The following ATP8B4 variants were observed in gnomAD, a reference collection of about 807,000 sequenced individuals.
ATP8B4 encodes the protein ATPase phospholipid transporting 8B4 (putative).
A neutral mutation model predicts 145.6 loss-of-function variants in ATP8B4; 133 were observed. That is an observed-to-expected ratio of 0.91 (90% CI 0.79 to 1.05). ATP8B4 has a LOEUF of 1.05. ATP8B4 is among the 50% of genes least tolerant of loss of function. ATP8B4 has a pLI of 0.00. For missense variants in ATP8B4, 1,458 were observed against 1,425.2 expected, an observed-to-expected ratio of 1.02 and a Z score of -0.37; for synonymous variants, 507 against 492.9, an observed-to-expected ratio of 1.03 and a Z score of -0.38.
intron 8 of ATP8B4, among the ~76,000 whole-genome samples, chr15:49,998,804 A>T (rs549750040): frequency 3.3e-5 from 5 of 152,316 alleles, no homozygotes; most frequent in African/African-American, 1.2e-4. Flanking sequence ...TTAGACATGA[A>T]GTCCTTGCCC....
intron 23 of ATP8B4, among the ~76,000 whole-genome samples, chr15:49,893,658 A>G (rs1311292276): frequency 6.6e-6 from 1 of 152,168 alleles, no homozygotes; most frequent in African/African-American, 2.4e-5. Flanking sequence ...GGAAATGCAG[A>G]GTTGTTATTG....
intron 27 of ATP8B4, 43 bp from the exon 28 acceptor site, chr15:49,860,518 A>C (rs968715359): frequency 6.5e-7 from 1 of 1,550,226 alleles, no homozygotes; most frequent in Non-Finnish European, 8.7e-7. Flanking sequence ...CATCCAAATG[A>C]TAGACTCCAG....
At chr15:49,950,662 G>A (rs760448831) in intron 14 of ATP8B4, among the ~76,000 whole-genome samples, 30 of 148,204 alleles carry the variant, frequency 2.0e-4, no homozygotes, top group African/African-American at 5.7e-4. Context: ...TCCTGGATTC[G>A]TTGATTTTTT....
intron 13 of ATP8B4, 35 bp downstream of exon 13, chr15:49,972,544 TAAC>T (rs761720802): frequency 1.0e-5 from 16 of 1,571,594 alleles, no homozygotes; most frequent in African/African-American, 1.4e-5. Context: ...AAGAAATTGT[TAAC>T]AATATCGTTA....
At chr15:50,162,169 G>A (rs902898558) in intron 1 of ATP8B4, among the ~76,000 whole-genome samples, 1 of 151,868 alleles carries the variant, frequency 6.6e-6, no homozygotes, top group Non-Finnish European at 1.5e-5. Context: ...TACTTTTCTT[G>A]TATGCTTCTT....
At chr15:50,126,893 C>T (rs2057311477) in intron 1 of ATP8B4, among the ~76,000 whole-genome samples, 1 of 152,122 alleles carries the variant, frequency 6.6e-6, no homozygotes, top group Non-Finnish European at 1.5e-5. Flanking sequence ...TGGAAAACAC[C>T]ATCCACTGGC....
chr15:50,168,390 T>A (rs1310192150), intron 1 of ATP8B4, among the ~76,000 whole-genome samples: 1 of 151,980 alleles, frequency 6.6e-6, no homozygotes, highest in Non-Finnish European at 1.5e-5. Flanking sequence ...AGGTAGACCC[T>A]CCTCTCTCAA....
intron 1 of ATP8B4, among the ~76,000 whole-genome samples, chr15:50,147,870 C>A (rs2044299507): frequency 6.6e-6 from 1 of 152,138 alleles, no homozygotes; most frequent in African/African-American, 2.4e-5. Context: ...ATAATAGATT[C>A]AGGCAAGGAT....
intron 9 of ATP8B4, 34 bp from the exon 10 acceptor site, chr15:49,987,583 T>G (rs1485223683): frequency 6.3e-7 from 1 of 1,591,638 alleles, no homozygotes; most frequent in South Asian, 1.1e-5. Flanking sequence ...AACCTCTTTA[T>G]GACTCACCCA....
rs77089321 is a variant in ATP8B4 at position 50,163,936 on chromosome 15, G to T, written c.-43+18325C>A. On this transcript the variant is annotated intron_variant, in intron 1 of 3. Coordinates refer to the ATP8B4 transcript ENST00000558829. ...CTGTCTCAGGCTCATGGAAAGTACTGCCTGGCTACTTCCAGTGTTCTCTCA... is the reference window on the plus strand; with the variant it reads ...CTGTCTCAGGCTCATGGAAAGTACTTCCTGGCTACTTCCAGTGTTCTCTCA... 1.8e-3 allele frequency among the ~76,000 whole-genome samples: 272 copies of T among 152,174 alleles called. 5 individuals are homozygous for T. The highest frequency in any genetic ancestry group is 0.016 in the East Asian group (82 of 5,162).
At chr15:50,172,527 C>A (rs1490564536) in intron 1 of ATP8B4, among the ~76,000 whole-genome samples, 1 of 152,242 alleles carries the variant, frequency 6.6e-6, no homozygotes, top group East Asian at 1.9e-4. Flanking sequence ...CCTTGGCCTC[C>A]CAAGGTGCTG....
rs909669131 is a variant in ATP8B4 at position 49,858,893 on chromosome 15, T to C, written c.*1301A>G. On this transcript the variant is annotated 3_prime_UTR_variant, in exon 28 of 28. Coordinates refer to ENST00000284509, the MANE Select transcript of ATP8B4 (RefSeq NM_024837.4). ...CATCTGTTTATGAAATAATTATGTT[T>C]TTAATAATTTCAGAGTTTGTGCTTT... 27 of 152,214 alleles carry C rather than the reference T, an allele frequency of 1.8e-4. No homozygotes were observed. Among genetic ancestry groups the C allele is most frequent in the African/African-American group, 6.0e-4 (25 of 41,458 alleles). 9.4% of individuals were successfully genotyped at this position (152,214 alleles called of 1,614,324 possible). A position where few individuals can be genotyped will look rare whatever the true frequency, so the allele number is the denominator to read the frequency against.
intron 13 of ATP8B4, among the ~76,000 whole-genome samples, chr15:49,969,835 A>T (rs2413991): frequency 6.6e-6 from 1 of 151,984 alleles, no homozygotes; most frequent in African/African-American, 2.4e-5. Flanking sequence ...AAAATTTCAG[A>T]CCAATATCCC....
At chr15:50,043,033 A>G (rs2051424285) in intron 5 of ATP8B4, among the ~76,000 whole-genome samples, 1 of 152,242 alleles carries the variant, frequency 6.6e-6, no homozygotes, top group Non-Finnish European at 1.5e-5. Context: ...TTATTAGCCT[A>G]CTATATATGC....
chr15:49,866,151 GC>G (rs1264912266), intron 26 of ATP8B4, among the ~76,000 whole-genome samples, 194 bp downstream of exon 26: 1 of 152,184 alleles, frequency 6.6e-6, no homozygotes, highest in Admixed American at 6.5e-5. Flanking sequence ...TGATTCTTCT[GC>G]ATCCAGTAGA....
chr15:50,164,293 C>T (rs2414030), intron 1 of ATP8B4, among the ~76,000 whole-genome samples: 83,688 of 152,114 alleles, frequency 0.55, 23,938 homozygotes, highest in East Asian at 0.93. Context: ...CAGCAAATAC[C>T]GTCTGGCTAC....
chr15:49,861,403 T>A (rs933923174), intron 27 of ATP8B4, among the ~76,000 whole-genome samples: 3 of 40,170 alleles, frequency 7.5e-5, no homozygotes, highest in Admixed American at 4.6e-4. Flanking sequence ...TAAAAAAAAA[T>A]GTGTGTGTGT....
intron 1 of ATP8B4, among the ~76,000 whole-genome samples, chr15:50,158,434 G>C (rs1457709158): frequency 6.7e-6 from 1 of 150,020 alleles, no homozygotes; most frequent in Non-Finnish European, 1.5e-5. Flanking sequence ...CCAGGAGGGA[G>C]GTGGGGGGTC....
At position 49,972,738 on chromosome 15, in the gene ATP8B4, T is replaced by C. The variant is rs774965384; in HGVS notation, c.1087A>G (p.Met363Val). 6.2e-7 allele frequency: 1 copy of C among 1,614,042 alleles called. No homozygotes were observed. Among genetic ancestry groups the C allele is most frequent in the South Asian group, 1.1e-5 (1 of 91,080 alleles). ...HSYFINWDRK[M>V]YYSRKAIPAV... The stretch of plus-strand genomic sequence containing the variant: ...GGTATTGCTTTTCGAGAATAATACA[T>C]CTTCCGGTCCCAGTTTATAAAATAA... The change falls in exon 13 of 28, where the codon ATG becomes GTG. Residue 363 changes from methionine (M) to valine (V), a missense_variant. Transcript: ENST00000284509.
Sources: allele counts gnomAD v4.1 joint callset (sites outside exome capture counted in the v4.1 genomes callset), GRCh38; gene constraint gnomAD v4.1.1; transcripts MANE v1.5; gene names NCBI Gene and HGNC (gene_info 2026-07-23, HGNC 2026-07-21).